Variants in E2F7 observed in about 807,000 individuals in gnomAD.
E2F7 encodes transcription factor E2F7.
A neutral mutation model predicts 81.1 loss-of-function variants in E2F7; 35 were observed. The ratio of observed to expected loss-of-function variants is 0.43; its 90% CI spans 0.33 to 0.57. The LOEUF (loss-of-function observed/expected upper bound fraction) is 0.57, where lower values mean the gene tolerates loss of function less well. Ranked by LOEUF, E2F7 falls within the 20% of genes least tolerant of loss-of-function variation. E2F7 has a pLI of 0.04. For missense variants in E2F7, 961 were observed against 1,093.7 expected, an observed-to-expected ratio of 0.88 and a Z score of 1.71; for synonymous variants, 416 against 416.2, an observed-to-expected ratio of 1.00 and a Z score of 0.01.
Position 77,022,641 on chromosome 12 carries a change from G to A in E2F7, c.*1374C>T, listed in dbSNP as rs1412082936. On this transcript the variant is annotated 3_prime_UTR_variant, in exon 13 of 13. Transcript: ENST00000322886. The stretch of plus-strand genomic sequence containing the variant: ...GGAAGAGGAAGGAAGAAAAGAAGTA[G>A]GAAGGAGGGAAGGAAGAGAGAATGA... The A allele has an allele frequency of 6.6e-6, 1 of 152,394 alleles. No individual in the cohort carries two copies. Among genetic ancestry groups the A allele is most frequent in the African/African-American group, 2.4e-5 (1 of 41,358 alleles). 9.4% of individuals were successfully genotyped at this position (152,394 alleles called of 1,614,324 possible).
At chr12:77,034,520 T>C (rs1407592458) in intron 7 of E2F7, among the ~76,000 whole-genome samples, 1 of 152,246 alleles carries the variant, frequency 6.6e-6, no homozygotes, top group East Asian at 1.9e-4. Context: ...TTATTATTTC[T>C]TTCTTATGCA....
At chr12:77,051,007 TG>T (rs1481816296) in intron 3 of E2F7, among the ~76,000 whole-genome samples, 1 of 152,180 alleles carries the variant, frequency 6.6e-6, no homozygotes, top group Admixed American at 6.5e-5. Context: ...ATTTACAGGT[TG>T]CTACAGTCTA....
At chr12:77,033,190 A>C in intron 8 of E2F7, 68 bp from the exon 9 acceptor site, 1 of 1,342,538 alleles carries the variant, frequency 7.4e-7, no homozygotes, top group Non-Finnish European at 1.0e-6. Flanking sequence ...TATACTGAGA[A>C]TTATCTAGCT....
intron 9 of E2F7, among the ~76,000 whole-genome samples, chr12:77,032,372 T>TCC (rs1954814324): frequency 1.3e-5 from 2 of 152,244 alleles, no homozygotes; most frequent in African/African-American, 4.8e-5. Context: ...CGAGCCAGGC[T>TCC]TTGGTATCTT....
Position 77,046,072 on chromosome 12 carries a change from C to A in E2F7, c.795G>T (p.Gln265His). 6.2e-7 allele frequency: 1 copy of A among 1,614,176 alleles called. No homozygotes were observed. The highest frequency in any genetic ancestry group is 8.5e-7 in the Non-Finnish European group (1 of 1,180,022). The change falls in exon 5 of 13, where the codon CAG becomes CAT. Residue 265 changes from glutamine to histidine, a missense_variant. Gln to His is a conservative substitution (Grantham distance 24). Transcript: ENST00000322886. ...KDGDPDSQEQ[Q>H]LLDFSEPDCP... is the part of the protein sequence containing the mutation. ...AGTCGGGTTCAGAGAAATCCAGTAA[C>A]TGTTGTTCCTGGGAATCTGGATCAC...
chr12:77,027,639 T>G (rs372404315), intron 11 of E2F7, among the ~76,000 whole-genome samples: 17 of 152,328 alleles, frequency 1.1e-4, no homozygotes, highest in East Asian at 3.9e-4. Context: ...TTTCACCAAA[T>G]AATGTTTAAT....
chr12:77,031,687 A>G (rs1954809126), intron 9 of E2F7, among the ~76,000 whole-genome samples: 1 of 152,010 alleles, frequency 6.6e-6, no homozygotes, highest in Admixed American at 6.6e-5. Flanking sequence ...ACAAAATAAA[A>G]ACACACAACA....
chr12:77,048,171 T>C (rs892737425), intron 4 of E2F7, among the ~76,000 whole-genome samples: 53 of 152,314 alleles, frequency 3.5e-4, no homozygotes, highest in African/African-American at 1.3e-3. Context: ...CCCTTACCTC[T>C]TTCATCTGAA....
In E2F7 at chr12:77,028,097, CAT is replaced by C; in HGVS notation, c.1924_1925del (p.Met642GlyfsTer2). 6.2e-7 allele frequency: 1 copy of C among 1,614,164 alleles called. No individual in the cohort carries two copies. Among genetic ancestry groups the C allele is most frequent in the Non-Finnish European group, 8.5e-7 (1 of 1,180,028 alleles). ...TGAGGGGTATAGATGCCCTGTTACC[CAT>C]AGTCTTGGGAGAGGCAAGGTCTGTG... is the stretch of plus-strand genomic sequence containing the variant. ...DSTDLASPKT[M>X]GNRASIPLKD... is the part of the protein sequence containing the mutation. On this transcript the variant is annotated frameshift_variant, in exon 11 of 13. Transcript: ENST00000322886. LOFTEE classifies it high-confidence loss of function.
At chr12:77,026,436 G>A (rs1030578087) in intron 11 of E2F7, among the ~76,000 whole-genome samples, 1 of 151,992 alleles carries the variant, frequency 6.6e-6, no homozygotes, top group African/African-American at 2.4e-5. Flanking sequence ...CAGAGTAGCT[G>A]GGACCACAAG....
At chr12:77,057,989 G>C (rs1955047661) in intron 2 of E2F7, among the ~76,000 whole-genome samples, 1 of 152,178 alleles carries the variant, frequency 6.6e-6, no homozygotes, top group South Asian at 2.1e-4. Flanking sequence ...AGAAACTGGA[G>C]TTTGTGTAGG....
chr12:77,039,386 A>G (rs1418352087), intron 7 of E2F7, among the ~76,000 whole-genome samples: 1 of 152,256 alleles, frequency 6.6e-6, no homozygotes, highest in Admixed American at 6.5e-5. Context: ...AAAGCCACAG[A>G]TGGAGAGGAA....
intron 4 of E2F7, among the ~76,000 whole-genome samples, chr12:77,048,820 C>G (rs1027642116): frequency 6.6e-6 from 1 of 152,140 alleles, no homozygotes; most frequent in Non-Finnish European, 1.5e-5. Context: ...AGTAGGAGTC[C>G]ACTTTTCTGT....
At chr12:77,062,916 T>C (rs777528056) in intron 2 of E2F7, among the ~76,000 whole-genome samples, 4 of 150,012 alleles carry the variant, frequency 2.7e-5, no homozygotes, top group Admixed American at 6.6e-5. Context: ...CCACTTTAAA[T>C]AATCTTCACT....
intron 4 of E2F7, among the ~76,000 whole-genome samples, chr12:77,050,336 T>C (rs1954976625): frequency 6.6e-6 from 1 of 152,196 alleles, no homozygotes; most frequent in African/African-American, 2.4e-5. Flanking sequence ...TTACTTATTA[T>C]AGAAATATTT....
chr12:77,061,066 C>T (rs1955074381), intron 2 of E2F7, among the ~76,000 whole-genome samples: 1 of 152,102 alleles, frequency 6.6e-6, no homozygotes, highest in African/African-American at 2.4e-5. Flanking sequence ...CCTTCTCAGC[C>T]TCCTTCTATT....
chr12:77,036,782 C>A (rs984060667), intron 7 of E2F7, among the ~76,000 whole-genome samples: 1 of 151,306 alleles, frequency 6.6e-6, no homozygotes, highest in African/African-American at 2.4e-5. Context: ...CGCTCTGTCG[C>A]CCAGGCTGGA....
chr12:77,041,410 T>TG (rs1954894339), intron 7 of E2F7, among the ~76,000 whole-genome samples: 1 of 152,112 alleles, frequency 6.6e-6, no homozygotes, highest in Admixed American at 6.5e-5. Context: ...AGGCTGGTCT[T>TG]GAACTCCTGA....
In E2F7 at chr12:77,057,923, G is replaced by T. The variant is rs190607560; in HGVS notation, c.94-1793C>A. Among the ~76,000 whole-genome samples the T allele has an allele frequency of 4.0e-3, 609 of 152,272 alleles. 6 individuals carry two copies. Among genetic ancestry groups the T allele is most frequent in the African/African-American group, 0.013 (558 of 41,534 alleles). On this transcript the variant is annotated intron_variant, in intron 2 of 12. Coordinates refer to ENST00000322886, the MANE Select transcript of E2F7 (RefSeq NM_203394.3). ...TGCTTGGGTTTTGGTTGAGCAGGGGGTTACAGTAAGTGTTTTCCTATAAAT... is the reference window on the plus strand; with the variant it reads ...TGCTTGGGTTTTGGTTGAGCAGGGGTTTACAGTAAGTGTTTTCCTATAAAT...
Sources: gnomAD v4.1 joint callset for allele counts (sites outside exome capture counted in the v4.1 genomes callset) on GRCh38, gnomAD v4.1.1 for gene constraint, MANE v1.5 for transcripts, NCBI Gene and HGNC (gene_info 2026-07-23, HGNC 2026-07-21) for gene names.